ZHX3: variants seen among roughly 807,000 people sequenced by gnomAD.
ZHX3 encodes the protein zinc fingers and homeoboxes 3, also known as zinc fingers and homeoboxes protein 3.
A neutral mutation model predicts 64.5 loss-of-function variants in ZHX3; 20 were observed. The ratio of observed to expected loss-of-function variants is 0.31; its 90% CI spans 0.22 to 0.45. ZHX3 has a LOEUF of 0.45. ZHX3 is among the 20% of genes least tolerant of loss of function. ZHX3 has a pLI of 1.00. For synonymous variants in ZHX3, 423 were observed against 461.6 expected (o/e 0.92, Z 1.07); for missense variants, 1,041 against 1,195.8 (o/e 0.87, Z 1.91).
intron 1 of ZHX3, among the ~76,000 whole-genome samples, chr20:41,281,901 TGA>T (rs1417776041): frequency 6.6e-6 from 1 of 152,154 alleles, no homozygotes; most frequent in Non-Finnish European, 1.5e-5. Flanking sequence ...GAGTAGCAGC[TGA>T]GAGAGAAGGC....
At chr20:41,215,506 G>A (rs1300475865) in intron 2 of ZHX3, among the ~76,000 whole-genome samples, 1 of 151,928 alleles carries the variant, frequency 6.6e-6, no homozygotes, top group African/African-American at 2.4e-5. Context: ...AAATTCTGAG[G>A]AATGAATTGG....
chr20:41,283,813 G>A (rs930229759), intron 1 of ZHX3, among the ~76,000 whole-genome samples: 1 of 152,014 alleles, frequency 6.6e-6, no homozygotes, highest in Non-Finnish European at 1.5e-5. Context: ...CAAACATGAG[G>A]ATCACACTCT....
chr20:41,313,660 A>C (rs897540813), intron 1 of ZHX3, among the ~76,000 whole-genome samples: 3 of 129,410 alleles, frequency 2.3e-5, no homozygotes, highest in Admixed American at 2.0e-4. Flanking sequence ...TGCAGTGGCG[A>C]GATCTCAGCT....
intron 3 of ZHX3, among the ~76,000 whole-genome samples, chr20:41,197,324 T>C (rs570281742): frequency 3.4e-5 from 5 of 146,322 alleles, no homozygotes; most frequent in Non-Finnish European, 7.5e-5. Context: ...TTAAAATACA[T>C]ATATATTTTA....
Sources: allele counts gnomAD v4.1 joint callset (sites outside exome capture counted in the v4.1 genomes callset), GRCh38; gene constraint gnomAD v4.1.1; transcripts MANE v1.5; gene names NCBI Gene and HGNC (gene_info 2026-07-23, HGNC 2026-07-21).